LSM4: variants seen among roughly 807,000 people sequenced by gnomAD.
The protein encoded by LSM4 is U6 snRNA-associated Sm-like protein LSm4.
LSM4 carries 15 observed loss-of-function variants against 22.3 expected under a neutral mutation model. The ratio of observed to expected loss-of-function variants is 0.67; its 90% confidence interval spans 0.45 to 1.03. LSM4 has a LOEUF of 1.03. Among genes scored for constraint, LSM4 ranks in the 50% least tolerant of loss-of-function variants. The probability of loss-of-function intolerance (pLI) is 0.00; values close to 1 mark genes in which losing one functional copy is unlikely to be tolerated. For synonymous variants in LSM4, 90 were observed against 79.8 expected (o/e 1.13, Z -0.68); for missense variants, 127 against 198.0 (o/e 0.64, Z 2.15).
intron 1 of LSM4, among the ~76,000 whole-genome samples, chr19:18,317,959 C>T (rs1970377779): frequency 6.6e-6 from 1 of 152,190 alleles, no homozygotes; most frequent in South Asian, 2.1e-4. Context: ...CTGGGAGCTG[C>T]CTCGGGTAAC....
chr19:18,317,138 A>G (rs1216792947), intron 1 of LSM4, among the ~76,000 whole-genome samples: 1 of 151,644 alleles, frequency 6.6e-6, no homozygotes, highest in Non-Finnish European at 1.5e-5. Flanking sequence ...CTCCCGCCTC[A>G]GCCTCCCAAA....
At chr19:18,318,505 CCA>C (rs1970385273) in intron 1 of LSM4, among the ~76,000 whole-genome samples, 1 of 152,260 alleles carries the variant, frequency 6.6e-6, no homozygotes, top group Non-Finnish European at 1.5e-5. Context: ...GTGCCACCAG[CCA>C]CAGAGAAAAC....
intron 1 of LSM4, among the ~76,000 whole-genome samples, chr19:18,320,430 G>T (rs952505437): frequency 2.0e-5 from 3 of 151,724 alleles, no homozygotes; most frequent in African/African-American, 7.3e-5. Flanking sequence ...GAGGATCACG[G>T]GCCAGTGAGG....
At chr19:18,308,994 A>T (rs1390108676) in intron 4 of LSM4, among the ~76,000 whole-genome samples, 1 of 152,176 alleles carries the variant, frequency 6.6e-6, no homozygotes, top group African/African-American at 2.4e-5. Context: ...GGAAGGAGCC[A>T]GGCCGGGGAC....
At chr19:18,312,791 AC>A in intron 2 of LSM4, 89 bp from the exon 3 acceptor site, 1 of 973,030 alleles carries the variant, frequency 1.0e-6, no homozygotes, top group Non-Finnish European at 1.6e-6. Flanking sequence ...CCTGAGATGG[AC>A]CACCACCTCC....
chr19:18,315,686 C>T lies in LSM4; in HGVS notation c.45+338G>A, dbSNP rs980061389. On this transcript the variant is annotated intron_variant, in intron 2 of 4. Coordinates refer to ENST00000593829, the MANE Select transcript of LSM4 (RefSeq NM_012321.5). ...TCTCCTGAGTAGCTGTGACTATAGG[C>T]ACACACCACCTCATCTGGCTAATTT... Among the ~76,000 whole-genome samples, 3 of 152,116 alleles carry T rather than the reference C, an allele frequency of 2.0e-5. No homozygotes were observed. In the East Asian group the frequency reaches 5.8e-4, roughly 30 times the overall value.
At chr19:18,313,815 C>T (rs975680142) in intron 2 of LSM4, among the ~76,000 whole-genome samples, 1 of 152,110 alleles carries the variant, frequency 6.6e-6, no homozygotes, top group African/African-American at 2.4e-5. Flanking sequence ...CACACTCAGT[C>T]CAAGCCTGAG....
At position 18,319,339 on chromosome 19, in the gene LSM4, G is replaced by A. The variant is rs141426291; in HGVS notation, c.4-3274C>T. Among the ~76,000 whole-genome samples the A allele has an allele frequency of 8.8e-3, 1,329 of 151,488 alleles. 22 individuals are homozygous for A. Among genetic ancestry groups the A allele is most frequent in the African/African-American group, 0.029 (1,195 of 41,288 alleles). Reference sequence around the variant, plus strand: ...AGCACTTTGGGAGGCCAAGGTGGGCGGATCACGAGGTCAGGAGTTCGAGAC... The same window carrying A: ...AGCACTTTGGGAGGCCAAGGTGGGCAGATCACGAGGTCAGGAGTTCGAGAC... On this transcript the variant is annotated intron_variant, in intron 1 of 4. Coordinates refer to ENST00000593829, the MANE Select transcript of LSM4 (RefSeq NM_012321.5).
intron 2 of LSM4, among the ~76,000 whole-genome samples, chr19:18,313,292 G>C (rs540426388): frequency 6.6e-6 from 1 of 152,270 alleles, no homozygotes; most frequent in Non-Finnish European, 1.5e-5. Context: ...AGGAATAAGT[G>C]AGACAATGGT....
At chr19:18,314,299 T>A (rs1970329151) in intron 2 of LSM4, among the ~76,000 whole-genome samples, 1 of 151,140 alleles carries the variant, frequency 6.6e-6, no homozygotes, top group Admixed American at 6.6e-5. Context: ...GGCGGGCGGA[T>A]CACGAGGTCA....
At chr19:18,318,291 G>A (rs1422995235) in intron 1 of LSM4, among the ~76,000 whole-genome samples, 1 of 152,244 alleles carries the variant, frequency 6.6e-6, no homozygotes, top group Admixed American at 6.5e-5. Flanking sequence ...GTTGGGGAGG[G>A]AATCCTACAT....
At position 18,310,031 on chromosome 19, in the gene LSM4, G is replaced by T. The variant is rs1970281695; in HGVS notation, c.145-170C>A. 4 of 632,890 alleles carry T rather than the reference G, an allele frequency of 6.3e-6. 1 individual carries two copies. The South Asian group carries it at 8.1e-5, about 13-fold the overall frequency. The allele number at this position is 632,890 out of a possible 1,614,324, so 39.2% of individuals were successfully genotyped here. ...GGCAAAGGGTCCACCCTGCAGGCAG[G>T]ATCTGTCCTGACCCCAGGCAATCCT... On this transcript the variant is annotated intron_variant, in intron 3 of 4. Coordinates refer to ENST00000593829, the MANE Select transcript of LSM4 (RefSeq NM_012321.5).
chr19:18,322,441 T>C (rs1970434806), intron 1 of LSM4, among the ~76,000 whole-genome samples: 1 of 152,070 alleles, frequency 6.6e-6, no homozygotes. Context: ...TGTCCACCCC[T>C]AGCTCAAAAC....
intron 3 of LSM4, among the ~76,000 whole-genome samples, chr19:18,310,463 G>A (rs569710395): frequency 1.3e-5 from 2 of 152,346 alleles, no homozygotes; most frequent in Admixed American, 6.5e-5. Flanking sequence ...TCCTGCCAGG[G>A]TGGCTCAAGG....
rs1166036305 is a variant in LSM4 at position 18,307,471 on chromosome 19, T to G, written c.413A>C (p.Lys138Thr). Residue 138 changes from lysine to threonine, a missense_variant, in exon 5 of 5, where the codon AAA becomes ACA. Transcript: ENST00000593829. ...GCCGGTCTGGGTGGGCGCTCACTGT[T>G]TGCCCGCCTGTCTGCCAGGCTTCTT... ...PEKKPGRQAGKQ is the reference protein window; with the variant it reads ...PEKKPGRQAGTQ The G allele has an allele frequency of 6.5e-7, 1 of 1,544,366 alleles. No individual in the cohort carries two copies. Among genetic ancestry groups the G allele is most frequent in the Non-Finnish European group, 8.7e-7 (1 of 1,146,662 alleles).
rs1311576335 is a variant in LSM4, at chr19:18,309,670, A to G, written c.328+8T>C. Reference sequence around the variant, plus strand: ...CCCAGGTACGTCCACTGGAGAGGGGAGACCCACCTCGGCCAGCGCCGCCCA... The same window carrying G: ...CCCAGGTACGTCCACTGGAGAGGGGGGACCCACCTCGGCCAGCGCCGCCCA... On this transcript the variant is annotated splice_region_variant and intron_variant, in intron 4 of 4. Coordinates refer to ENST00000593829, the MANE Select transcript of LSM4 (RefSeq NM_012321.5). The G allele has an allele frequency of 4.4e-6, 7 of 1,592,532 alleles. No homozygotes were observed. The highest frequency in any genetic ancestry group is 6.0e-6 in the Non-Finnish European group (7 of 1,171,590).
Position 18,309,819 on chromosome 19 carries a change from C to A in LSM4, c.187G>T (p.Gly63Cys). 1 of 1,613,764 alleles carries A rather than the reference C, an allele frequency of 6.2e-7. No individual in the cohort carries two copies. Among genetic ancestry groups the A allele is most frequent in the Non-Finnish European group, 8.5e-7 (1 of 1,179,878 alleles). The change falls in exon 4 of 5, where the codon GGC (glycine) becomes TGC (cysteine). Residue 63 changes from glycine to cysteine, a missense_variant. Transcript: ENST00000593829. ...ATGCGCAGGTACTTGATGGTGCTGC[C>A]GCGGATGTAGCACTCGGGCATCCGC... ...FWRMPECYIR[G>C]STIKYLRIPD...
chr19:18,309,730 G>A lies in LSM4; in HGVS notation c.276C>T (p.Gly92=). Residue 92 remains glycine, a synonymous_variant, in exon 4 of 5, where the codon GGC becomes GGT. Transcript: ENST00000593829. The part of the protein sequence containing the change: ...EVVAKGRGRG[G]LQQQKQQKGR... Reference sequence around the variant, plus strand: ...CTTTCTGCTGCTTCTGCTGCTGCAGGCCTCCGCGGCCGCGGCCCTTGGCCA... The same window carrying A: ...CTTTCTGCTGCTTCTGCTGCTGCAGACCTCCGCGGCCGCGGCCCTTGGCCA... The A allele has an allele frequency of 6.2e-7, 1 of 1,612,606 alleles. No homozygotes were observed. The highest frequency in any genetic ancestry group is 8.5e-7 in the Non-Finnish European group (1 of 1,179,478).
intron 1 of LSM4, among the ~76,000 whole-genome samples, chr19:18,316,599 C>T (rs1286520800): frequency 6.6e-6 from 1 of 152,038 alleles, no homozygotes; most frequent in Non-Finnish European, 1.5e-5. Context: ...CCACCCGCCT[C>T]GGCTTCCCAA....
Sources: gnomAD v4.1 joint callset for allele counts (sites outside exome capture counted in the v4.1 genomes callset) on GRCh38, gnomAD v4.1.1 for gene constraint, MANE v1.5 for transcripts, NCBI Gene and HGNC (gene_info 2026-07-23, HGNC 2026-07-21) for gene names.